The following SMOC2 variants were observed in gnomAD, a reference collection of about 807,000 sequenced individuals.
SMOC2 encodes SPARC-related modular calcium-binding protein 2.
SMOC2 carries 39 observed loss-of-function variants against 61.4 expected under a neutral mutation model. The ratio of observed to expected loss-of-function variants is 0.64; its 90% CI spans 0.49 to 0.83. The LOEUF (loss-of-function observed/expected upper bound fraction) is 0.83. Among genes scored for constraint, SMOC2 ranks in the 40% least tolerant of loss-of-function variants. The probability of loss-of-function intolerance (pLI) is 0.00; values close to 1 mark genes in which losing one functional copy is unlikely to be tolerated. For synonymous variants in SMOC2, 247 were observed against 239.9 expected (o/e 1.03, Z -0.27); for missense variants, 556 against 592.9 (o/e 0.94, Z 0.65).
At chr6:168,515,164 T>C (rs568636302) in intron 2 of SMOC2, among the ~76,000 whole-genome samples, 5 of 152,318 alleles carry the variant, frequency 3.3e-5, no homozygotes, top group African/African-American at 1.2e-4. Flanking sequence ...TTTTATACCA[T>C]AAATTATGAC....
rs533814404 is a variant in SMOC2 at position 168,507,362 on chromosome 6, A to C, written c.85-2553A>C. ...GGCACCTGGGGCTCCTACTGAACAC[A>C]CTGCAGGTTCATGTTTTCTTTCTGT... On this transcript the variant is annotated intron_variant, in intron 1 of 12. Coordinates refer to ENST00000356284, the MANE Select transcript of SMOC2 (RefSeq NM_001166412.2). 3.3e-5 allele frequency among the ~76,000 whole-genome samples: 5 copies of C among 152,256 alleles called. No homozygotes were observed. In the East Asian group the frequency reaches 9.6e-4, roughly 29 times the overall value.
chr6:168,625,573 G>A (rs1003312164), intron 9 of SMOC2, among the ~76,000 whole-genome samples: 3 of 152,194 alleles, frequency 2.0e-5, no homozygotes, highest in Admixed American at 6.5e-5. Flanking sequence ...AATAGCATAG[G>A]CTCAAATCCA....
At chr6:168,518,591 G>T (rs1424574006) in intron 2 of SMOC2, among the ~76,000 whole-genome samples, 1 of 137,628 alleles carries the variant, frequency 7.3e-6, no homozygotes, top group Non-Finnish European at 1.6e-5. Context: ...GTATGTGTGT[G>T]AATGTGTGTT....
intron 7 of SMOC2, among the ~76,000 whole-genome samples, chr6:168,568,874 G>A (rs534616077): frequency 6.6e-6 from 1 of 152,230 alleles, no homozygotes; most frequent in South Asian, 2.1e-4. Context: ...GTGTCTTTTC[G>A]TGGCTTGATC....
intron 4 of SMOC2, among the ~76,000 whole-genome samples, chr6:168,532,117 G>A (rs1224440208): frequency 1.3e-5 from 2 of 152,164 alleles, no homozygotes; most frequent in Non-Finnish European, 2.9e-5. Context: ...TGCTGATGTC[G>A]ACCTGTGGGA....
At chr6:168,604,630 T>A (rs1785640123) in intron 8 of SMOC2, among the ~76,000 whole-genome samples, 1 of 152,260 alleles carries the variant, frequency 6.6e-6, no homozygotes. Context: ...TTGTTTTCTT[T>A]AATCATCCTC....
intron 1 of SMOC2, among the ~76,000 whole-genome samples, chr6:168,456,342 G>A (rs1781586356): frequency 6.6e-6 from 1 of 152,236 alleles, no homozygotes; most frequent in South Asian, 2.1e-4. Context: ...TGGAGGGGCT[G>A]CAGGGCTGGC....
intron 7 of SMOC2, 35 bp downstream of exon 7, chr6:168,549,238 G>T (rs745782952): frequency 1.9e-6 from 3 of 1,584,144 alleles, no homozygotes; most frequent in South Asian, 1.1e-5. Flanking sequence ...TGTAAGGAGT[G>T]ATTTAATAGA....
intron 9 of SMOC2, among the ~76,000 whole-genome samples, chr6:168,639,842 A>C (rs996305379): frequency 6.6e-6 from 1 of 152,204 alleles, no homozygotes; most frequent in Non-Finnish European, 1.5e-5. Context: ...AGAATGGCCC[A>C]GTTGCCGGTC....
Position 168,549,151 on chromosome 6 carries a change from C to T in SMOC2, c.585C>T (p.Thr195=). ...DEEDIASRYP[T]LWTEQVKSRQ... ...TAGATATTGCATCACGTTACCCTAC[C>T]CTTTGGACTGAACAGGTTAAAAGTC... Residue 195 remains threonine, a synonymous_variant, in exon 7 of 13, where the codon ACC becomes ACT. Coordinates refer to ENST00000356284, the MANE Select transcript of SMOC2 (RefSeq NM_001166412.2). The T allele has an allele frequency of 6.2e-7, 1 of 1,614,112 alleles. No individual in the cohort carries two copies. Among genetic ancestry groups the T allele is most frequent in the Non-Finnish European group, 8.5e-7 (1 of 1,180,004 alleles).
chr6:168,649,632 C>G (rs145905848), intron 9 of SMOC2, among the ~76,000 whole-genome samples: 1 of 152,324 alleles, frequency 6.6e-6, no homozygotes, highest in East Asian at 1.9e-4. Flanking sequence ...CACAAATAGA[C>G]CCAGTTGGAA....
chr6:168,470,639 T>C (rs1781949269), intron 1 of SMOC2, among the ~76,000 whole-genome samples: 1 of 152,078 alleles, frequency 6.6e-6, no homozygotes, highest in South Asian at 2.1e-4. Context: ...ATAGTGCCCC[T>C]GCACTCCAGT....
intron 2 of SMOC2, among the ~76,000 whole-genome samples, chr6:168,525,458 C>T (rs1197031330): frequency 6.6e-6 from 1 of 152,228 alleles, no homozygotes; most frequent in African/African-American, 2.4e-5. Flanking sequence ...CTGCTTGTGG[C>T]ACACACGGAT....
chr6:168,477,993 C>T (rs1782129005), intron 1 of SMOC2, among the ~76,000 whole-genome samples: 1 of 152,190 alleles, frequency 6.6e-6, no homozygotes, highest in South Asian at 2.1e-4. Flanking sequence ...TGCTAACTTC[C>T]CTTTTATCCA....
intron 5 of SMOC2, among the ~76,000 whole-genome samples, chr6:168,546,576 C>T (rs1481665395): frequency 3.3e-5 from 5 of 152,162 alleles, no homozygotes; most frequent in Non-Finnish European, 7.3e-5. Context: ...CCACTCACAT[C>T]CTTACTTAGA....
intron 4 of SMOC2, among the ~76,000 whole-genome samples, chr6:168,528,051 G>A (rs1436078119): frequency 6.6e-6 from 1 of 152,230 alleles, no homozygotes; most frequent in Admixed American, 6.5e-5. Context: ...CAAGGACTTG[G>A]AGTCACCAGT....
intron 1 of SMOC2, among the ~76,000 whole-genome samples, chr6:168,443,331 T>A (rs1781260354): frequency 6.6e-6 from 1 of 152,172 alleles, no homozygotes; most frequent in African/African-American, 2.4e-5. Flanking sequence ...TCTAACTATT[T>A]ACTTGAACCC....
At chr6:168,500,028 C>T (rs1305528999) in intron 1 of SMOC2, among the ~76,000 whole-genome samples, 3 of 152,074 alleles carry the variant, frequency 2.0e-5, no homozygotes, top group Admixed American at 6.5e-5. Context: ...AAGTCCATGC[C>T]GGGTGCAGTG....
intron 9 of SMOC2, among the ~76,000 whole-genome samples, chr6:168,628,716 A>G (rs1016819075): frequency 6.6e-6 from 1 of 152,248 alleles, no homozygotes; most frequent in Non-Finnish European, 1.5e-5. Flanking sequence ...TGTGCGTGGT[A>G]CAGTAGATGG....
Sources: allele counts gnomAD v4.1 joint callset (sites outside exome capture counted in the v4.1 genomes callset), GRCh38; gene constraint gnomAD v4.1.1; transcripts MANE v1.5; gene names NCBI Gene and HGNC (gene_info 2026-07-23, HGNC 2026-07-21).